N4BP2: variants seen among roughly 807,000 people sequenced by gnomAD.
N4BP2 encodes NEDD4 binding protein 2.
A neutral mutation model predicts 152.8 loss-of-function variants in N4BP2; 91 were observed. That is an observed-to-expected ratio of 0.60 (90% CI 0.50 to 0.71). The LOEUF (loss-of-function observed/expected upper bound fraction) is 0.71. N4BP2 is among the 30% of genes least tolerant of loss of function. N4BP2 has a pLI of 0.00. For missense variants in N4BP2, 1,923 were observed against 2,059.1 expected (o/e 0.93, Z 1.28); for synonymous variants, 646 against 705.3 (o/e 0.92, Z 1.33).
chr4:40,086,207 G>A (rs1400324533), intron 2 of N4BP2, among the ~76,000 whole-genome samples: 3 of 148,608 alleles, frequency 2.0e-5, no homozygotes, highest in African/African-American at 7.4e-5. Flanking sequence ...GTCTGGTCTC[G>A]AATGCCAGAC....
chr4:40,123,111 C>T lies in N4BP2; in HGVS notation c.4199-16C>T, dbSNP rs747663183. On this transcript the variant is annotated splice_polypyrimidine_tract_variant and intron_variant, in intron 9 of 17. Transcript: ENST00000261435. ...AGTAATGATTACATTTTCTTCCCTC[C>T]CCCTTCCCCCACAAGGGTCTCTAAC... 15 of 1,544,512 alleles carry T rather than the reference C, an allele frequency of 9.7e-6. No individual in the cohort carries two copies. The Admixed American group carries it at 1.1e-4, about 11-fold the overall frequency.
chr4:40,057,605 C>T (rs572679194), intron 1 of N4BP2, among the ~76,000 whole-genome samples: 15 of 152,254 alleles, frequency 9.9e-5, no homozygotes, highest in African/African-American at 2.9e-4. Context: ...TGGCCCTCGT[C>T]CCGCCTCCCC....
In N4BP2 at chr4:40,120,800, A is replaced by C; in HGVS notation, c.2689A>C (p.Arg897=). 6.2e-7 allele frequency: 1 copy of C among 1,614,214 alleles called. No individual in the cohort carries two copies. Among genetic ancestry groups the C allele is most frequent in the Non-Finnish European group, 8.5e-7 (1 of 1,180,030 alleles). Residue 897 remains arginine, a synonymous_variant, in exon 9 of 18, where the codon AGA becomes CGA. Coordinates refer to ENST00000261435, the MANE Select transcript of N4BP2 (RefSeq NM_018177.6). Reference sequence around the variant, plus strand: ...TGATTCTTTAGCTCAGAGGGAACACAGATCAAGAATGCCAAAGACTGGTTT... The same window carrying C: ...TGATTCTTTAGCTCAGAGGGAACACCGATCAAGAATGCCAAAGACTGGTTT... The part of the protein sequence containing the change: ...SSDSLAQREH[R]SRMPKTGLSE...
At chr4:40,091,503 A>G (rs1023203756) in intron 2 of N4BP2, among the ~76,000 whole-genome samples, 2 of 151,150 alleles carry the variant, frequency 1.3e-5, no homozygotes, top group East Asian at 1.9e-4. Flanking sequence ...GATTGATACA[A>G]TTCTTTCACG....
In N4BP2 at chr4:40,157,024, A is replaced by G. The variant is rs1433871128; in HGVS notation, c.*2787A>G. The G allele has an allele frequency of 6.6e-6, 1 of 152,168 alleles. No homozygotes were observed. Among genetic ancestry groups the G allele is most frequent in the Non-Finnish European group, 1.5e-5 (1 of 68,006 alleles). The allele number at this position is 152,168 out of a possible 1,614,324, so 9.4% of individuals were successfully genotyped here. A position where few individuals can be genotyped will look rare whatever the true frequency, so the allele number is the denominator to read the frequency against. On this transcript the variant is annotated 3_prime_UTR_variant, in exon 18 of 18. Coordinates refer to ENST00000261435, the MANE Select transcript of N4BP2 (RefSeq NM_018177.6). ...TATTTTAAAAGTACAGCACTTCTGT[A>G]GTATGGAAGGTTTCAGTAATAATTA...
intron 16 of N4BP2, among the ~76,000 whole-genome samples, chr4:40,151,193 A>AATGAC (rs746575092): frequency 7.2e-5 from 11 of 152,232 alleles, no homozygotes; most frequent in Admixed American, 1.3e-4. Context: ...TAATCGTATA[A>AATGAC]ATGACTGACC....
chr4:40,128,717 A>G (rs1484627613), intron 12 of N4BP2, among the ~76,000 whole-genome samples: 1 of 151,854 alleles, frequency 6.6e-6, no homozygotes, highest in Admixed American at 6.6e-5. Flanking sequence ...TAGTAGAGAC[A>G]GGGTTTCACC....
intron 15 of N4BP2, among the ~76,000 whole-genome samples, chr4:40,144,300 C>T (rs947672644): frequency 6.6e-6 from 1 of 152,134 alleles, no homozygotes; most frequent in Non-Finnish European, 1.5e-5. Context: ...GCTTCACCAG[C>T]CATCTAGGTA....
chr4:40,094,163 A>G (rs1159263447), intron 2 of N4BP2, among the ~76,000 whole-genome samples: 1 of 152,156 alleles, frequency 6.6e-6, no homozygotes, highest in Admixed American at 6.5e-5. Flanking sequence ...GGAAATTTTT[A>G]TGTTACTGAT....
intron 3 of N4BP2, among the ~76,000 whole-genome samples, chr4:40,100,286 T>C (rs1553921157): frequency 1.3e-5 from 2 of 152,112 alleles, no homozygotes; most frequent in Non-Finnish European, 1.5e-5. Flanking sequence ...TCCAGACTTA[T>C]CTTTCTTAAA....
intron 7 of N4BP2, among the ~76,000 whole-genome samples, chr4:40,117,546 C>T (rs1717456204): frequency 6.6e-6 from 1 of 152,174 alleles, no homozygotes; most frequent in African/African-American, 2.4e-5. Flanking sequence ...ATATTAAGTT[C>T]AACCAAATAT....
intron 4 of N4BP2, among the ~76,000 whole-genome samples, chr4:40,104,736 G>A (rs2109966796): frequency 6.6e-6 from 1 of 151,858 alleles, no homozygotes; most frequent in East Asian, 1.9e-4. Flanking sequence ...TCACAAGGTA[G>A]AAACTTAATA....
the N4BP2 span, chr4:40,167,787 T>G: frequency 6.6e-6 from 1 of 152,212 alleles, no homozygotes; most frequent in East Asian, 1.9e-4. Flanking sequence ...ATGAAATGAC[T>G]GAAAATGTGT....
the N4BP2 span, among the ~76,000 whole-genome samples, chr4:40,168,595 C>CTAT: frequency 2.0e-5 from 3 of 151,586 alleles, no homozygotes; most frequent in African/African-American, 7.3e-5. Flanking sequence ...ATGGATTTTA[C>CTAT]ACCTTTTTCA....
At chr4:40,136,532 G>A (rs1049196235) in intron 13 of N4BP2, among the ~76,000 whole-genome samples, 2 of 152,000 alleles carry the variant, frequency 1.3e-5, no homozygotes, top group Non-Finnish European at 1.5e-5. Flanking sequence ...GATTACAGGC[G>A]CGCGTCACCA....
chr4:40,063,579 ATAAAGAATATCCACTT>A (rs1733817291), intron 1 of N4BP2, among the ~76,000 whole-genome samples: 1 of 152,140 alleles, frequency 6.6e-6, no homozygotes, highest in Non-Finnish European at 1.5e-5. Flanking sequence ...CTGGGCAGAC[ATAAAGAATATCCACTT>A]TAATTCTTTA....
chr4:40,119,974 T>C lies in N4BP2; in HGVS notation c.1863T>C (p.Asn621=), dbSNP rs758961255. Residue 621 remains asparagine (N), a synonymous_variant, in exon 9 of 18, where the codon AAT becomes AAC. Coordinates refer to ENST00000261435, the MANE Select transcript of N4BP2 (RefSeq NM_018177.6). ...ATATTATCTCTGAAAAAGAAGAAAA[T>C]ATTTTATCTTTATCTTTGAAGCATC... The part of the protein sequence containing the change: ...DEDIISEKEE[N]ILSLSLKHLE... 2.0e-6 allele frequency: 3 copies of C among 1,514,662 alleles called. No homozygotes were observed. The East Asian group carries it at 6.8e-5, about 34-fold the overall frequency. The allele number at this position is 1,514,662 out of a possible 1,614,324, so 93.8% of individuals were successfully genotyped here. A position where few individuals can be genotyped will look rare whatever the true frequency, so the allele number is the denominator to read the frequency against.
the N4BP2 span, among the ~76,000 whole-genome samples, chr4:40,188,869 G>C: frequency 6.6e-6 from 1 of 152,196 alleles, no homozygotes; most frequent in African/African-American, 2.4e-5. Context: ...GGGAGGCCGG[G>C]TGCAGTGGCT....
At chr4:40,165,130 T>C in the N4BP2 span, among the ~76,000 whole-genome samples, 1 of 152,230 alleles carries the variant, frequency 6.6e-6, no homozygotes, top group African/African-American at 2.4e-5. Flanking sequence ...CTAGAATATC[T>C]GAATATAGTT....
Sources: allele counts gnomAD v4.1 joint callset (sites outside exome capture counted in the v4.1 genomes callset), GRCh38; gene constraint gnomAD v4.1.1; transcripts MANE v1.5; gene names NCBI Gene and HGNC (gene_info 2026-07-23, HGNC 2026-07-21).